The following CACHD1 variants were observed in gnomAD, a reference collection of about 807,000 sequenced individuals.
CACHD1 encodes cache domain containing 1, also known as VWFA and cache domain-containing protein 1.
In CACHD1, 71 loss-of-function variants were observed where a neutral mutation model predicts 138.7. The observed-to-expected ratio is 0.51, with a 90% CI of 0.42 to 0.62. The LOEUF (loss-of-function observed/expected upper bound fraction) is 0.62. CACHD1 is among the 20% of genes least tolerant of loss of function. CACHD1 has a pLI of 0.00. For missense variants in CACHD1, 1,389 were observed against 1,625.3 expected (o/e 0.85, Z 2.50); for synonymous variants, 578 against 591.5 (o/e 0.98, Z 0.33).
intron 15 of CACHD1, 47 bp from the exon 16 acceptor site, chr1:64,666,010 A>G: frequency 8.3e-7 from 1 of 1,201,114 alleles, no homozygotes; most frequent in South Asian, 1.4e-5. Context: ...ATCTCAAAAA[A>G]AATAAATAAA....
chr1:64,488,972 G>A (rs151284405), intron 1 of CACHD1, among the ~76,000 whole-genome samples: 55 of 152,306 alleles, frequency 3.6e-4, no homozygotes, highest in African/African-American at 1.3e-3. Flanking sequence ...AGCAAGCTGG[G>A]AACAGCAGGG....
chr1:64,612,086 A>G (rs1307943874), intron 4 of CACHD1, among the ~76,000 whole-genome samples: 1 of 152,174 alleles, frequency 6.6e-6, no homozygotes, highest in Admixed American at 6.5e-5. Flanking sequence ...CACTATCATG[A>G]GAATAGCATG....
At chr1:64,562,674 G>A (rs1646851405) in intron 2 of CACHD1, among the ~76,000 whole-genome samples, 1 of 151,340 alleles carries the variant, frequency 6.6e-6, no homozygotes, top group Non-Finnish European at 1.5e-5. Flanking sequence ...GCCTGCCTTG[G>A]CCTCCCAAAG....
At chr1:64,669,691 AT>A (rs11434637) in intron 16 of CACHD1, among the ~76,000 whole-genome samples, 85 of 148,376 alleles carry the variant, frequency 5.7e-4, no homozygotes, top group Admixed American at 1.7e-3. Context: ...GTTTGGTGTG[AT>A]TTTTTTTTTT....
chr1:64,623,832 T>G (rs190731645), intron 4 of CACHD1, among the ~76,000 whole-genome samples: 43 of 152,322 alleles, frequency 2.8e-4, no homozygotes, highest in African/African-American at 9.4e-4. Flanking sequence ...CCCTGCCCAT[T>G]AATCACTTAA....
chr1:64,650,999 A>G (rs1191741456), intron 9 of CACHD1, among the ~76,000 whole-genome samples: 1 of 151,656 alleles, frequency 6.6e-6, no homozygotes. Flanking sequence ...AGGAGGAGAA[A>G]CCAGGTGTCT....
intron 26 of CACHD1, among the ~76,000 whole-genome samples, chr1:64,689,049 A>T (rs1570488184): frequency 6.6e-6 from 1 of 152,126 alleles, no homozygotes; most frequent in Non-Finnish European, 1.5e-5. Context: ...GCCTCACCTT[A>T]GCCCTTTCCT....
chr1:64,470,631 C>A lies in CACHD1; in HGVS notation c.-114C>A. The A allele has an allele frequency of 4.8e-6, 2 of 420,450 alleles. No homozygotes were observed. Among genetic ancestry groups the A allele is most frequent in the South Asian group, 1.0e-4 (2 of 19,614 alleles). 26.0% of individuals were successfully genotyped at this position (420,450 alleles called of 1,614,324 possible). ...TTCGCCACCGCGGCGCGGAGCAGAG[C>A]CTGCAACAGAGGAAGAAACTTTTGC... On this transcript the variant is annotated 5_prime_UTR_variant, in exon 1 of 27. Transcript: ENST00000651257. The surrounding 1 kb of genome is among the most constrained non-coding windows in gnomAD (Gnocchi z 5.2).
intron 1 of CACHD1, among the ~76,000 whole-genome samples, chr1:64,497,529 T>A (rs1190649751): frequency 6.6e-6 from 1 of 152,100 alleles, no homozygotes; most frequent in Non-Finnish European, 1.5e-5. Flanking sequence ...GTGATGGTTA[T>A]GAGAACTGCA....
At chr1:64,555,753 T>C (rs562285197) in intron 2 of CACHD1, among the ~76,000 whole-genome samples, 29 of 152,336 alleles carry the variant, frequency 1.9e-4, no homozygotes, top group African/African-American at 6.5e-4. Flanking sequence ...TGGAATTGAT[T>C]TTGGTGTTGG....
chr1:64,651,826 T>C (rs985210211), intron 9 of CACHD1, among the ~76,000 whole-genome samples: 14 of 152,172 alleles, frequency 9.2e-5, no homozygotes, highest in African/African-American at 2.9e-4. Context: ...CTTCACAAAA[T>C]AGAAAAATGT....
chr1:64,678,542 A>G (rs961993296), intron 23 of CACHD1, among the ~76,000 whole-genome samples: 1 of 152,190 alleles, frequency 6.6e-6, no homozygotes, highest in Non-Finnish European at 1.5e-5. Flanking sequence ...ATTCATTCCC[A>G]TAAAGCTTGT....
At chr1:64,482,233 A>T (rs926412321) in intron 1 of CACHD1, among the ~76,000 whole-genome samples, 7 of 152,182 alleles carry the variant, frequency 4.6e-5, no homozygotes, top group Admixed American at 3.3e-4. Context: ...GCTAACTCAC[A>T]TGAAACTTCA....
chr1:64,478,773 G>A (rs1254870799), intron 1 of CACHD1, among the ~76,000 whole-genome samples: 2 of 152,172 alleles, frequency 1.3e-5, no homozygotes, highest in Non-Finnish European at 2.9e-5. Flanking sequence ...AGTGGACCAG[G>A]TGTAGGTAAG....
chr1:64,566,048 C>T (rs1284839577), intron 2 of CACHD1, among the ~76,000 whole-genome samples: 2 of 152,188 alleles, frequency 1.3e-5, no homozygotes, highest in African/African-American at 4.8e-5. Context: ...GAAATGATAC[C>T]TCTCAGGGAG....
chr1:64,686,539 G>C (rs1432910716), intron 26 of CACHD1, among the ~76,000 whole-genome samples: 1 of 152,154 alleles, frequency 6.6e-6, no homozygotes, highest in African/African-American at 2.4e-5. Context: ...TTTCAGCAGT[G>C]TTACCCTCAC....
intron 1 of CACHD1, among the ~76,000 whole-genome samples, chr1:64,476,104 A>AAGCAGCAGC (rs57837863): frequency 2.0e-5 from 3 of 151,024 alleles, no homozygotes; most frequent in African/African-American, 7.3e-5. Flanking sequence ...GTCCTGAAGG[A>AAGCAGCAGC]AGCAGCAGCA....
intron 16 of CACHD1, among the ~76,000 whole-genome samples, chr1:64,671,246 C>A (rs1455537012): frequency 2.0e-5 from 3 of 152,006 alleles, no homozygotes; most frequent in African/African-American, 7.3e-5. Context: ...AGTCATGCAT[C>A]CAACCTCCCA....
At chr1:64,669,371 A>G (rs1015971236) in intron 16 of CACHD1, among the ~76,000 whole-genome samples, 2 of 152,204 alleles carry the variant, frequency 1.3e-5, no homozygotes, top group Non-Finnish European at 2.9e-5. Context: ...TCAGAAGAGA[A>G]AGCTTAAGCT....
Sources: gnomAD v4.1 joint callset for allele counts (sites outside exome capture counted in the v4.1 genomes callset) on GRCh38, gnomAD v4.1.1 for gene constraint, Gnocchi (gnomAD v3.1) non-coding constraint, MANE v1.5 for transcripts, NCBI Gene and HGNC (gene_info 2026-07-23, HGNC 2026-07-21) for gene names.